The following CSMD1 variants were observed in gnomAD, a reference collection of about 807,000 sequenced individuals.
CSMD1 encodes CUB and sushi domain-containing protein 1.
In CSMD1, 213 loss-of-function variants were observed where a neutral mutation model predicts 417.5. The observed-to-expected ratio is 0.51, with a 90% confidence interval of 0.46 to 0.57. CSMD1 has a LOEUF of 0.57. Among genes scored for constraint, CSMD1 ranks in the 20% least tolerant of loss-of-function variants. The pLI is 0.00. For missense variants in CSMD1, 6,923 were observed against 4,529.7 expected, an observed-to-expected ratio of 1.53 and a Z score of -15.17; for synonymous variants, 2,862 against 1,736.8, an observed-to-expected ratio of 1.65 and a Z score of -16.11.
At chr8:3,160,505 G>A (rs920766714) in intron 38 of CSMD1, among the ~76,000 whole-genome samples, 1 of 152,132 alleles carries the variant, frequency 6.6e-6, no homozygotes, top group South Asian at 2.1e-4. Context: ...AGTGTGTTTG[G>A]TTACAAACTT....
chr8:4,492,865 T>C (rs75763056), intron 2 of CSMD1, among the ~76,000 whole-genome samples: 1,793 of 152,316 alleles, frequency 0.012, 49 homozygotes, highest in African/African-American at 0.041. Context: ...CAGAACATGC[T>C]TGAAAAATAC....
chr8:4,425,397 AT>A (rs369838539), intron 2 of CSMD1, among the ~76,000 whole-genome samples: 5,375 of 147,004 alleles, frequency 0.037, 312 homozygotes, highest in African/African-American at 0.13. Context: ...AAAAAAAAAA[AT>A]AGAGTCCAAC....
intron 26 of CSMD1, among the ~76,000 whole-genome samples, chr8:3,277,943 A>C (rs889435097): frequency 6.6e-6 from 1 of 152,242 alleles, no homozygotes; most frequent in Non-Finnish European, 1.5e-5. Flanking sequence ...AAAGCTGAGT[A>C]AAAGAAAAGT....
chr8:4,349,337 A>C (rs191182759), intron 3 of CSMD1, among the ~76,000 whole-genome samples: 122 of 152,328 alleles, frequency 8.0e-4, no homozygotes, highest in African/African-American at 2.6e-3. Flanking sequence ...AATTGAGTAT[A>C]AGATGTAGGT....
At chr8:3,561,387 G>A (rs1181721441) in intron 10 of CSMD1, among the ~76,000 whole-genome samples, 3 of 152,150 alleles carry the variant, frequency 2.0e-5, no homozygotes, top group Non-Finnish European at 4.4e-5. Context: ...CAACTTAAGT[G>A]TCCAACAATG....
At chr8:4,399,524 T>C (rs947844045) in intron 3 of CSMD1, among the ~76,000 whole-genome samples, 1 of 152,156 alleles carries the variant, frequency 6.6e-6, no homozygotes. Flanking sequence ...TTCAAGAAAC[T>C]TTCCTCTCTG....
At chr8:3,677,010 G>T (rs1199918604) in intron 7 of CSMD1, among the ~76,000 whole-genome samples, 2 of 152,060 alleles carry the variant, frequency 1.3e-5, no homozygotes, top group Non-Finnish European at 1.5e-5. Flanking sequence ...TTGCGGGGTT[G>T]GGGGCAAGGG....
chr8:4,618,889 A>T (rs556239116), intron 2 of CSMD1, among the ~76,000 whole-genome samples: 3 of 152,336 alleles, frequency 2.0e-5, no homozygotes, highest in Admixed American at 2.0e-4. Context: ...AATAGAATAG[A>T]CAGAGTGGGC....
intron 3 of CSMD1, among the ~76,000 whole-genome samples, chr8:4,095,374 A>T (rs950258367): frequency 6.7e-6 from 1 of 150,364 alleles, no homozygotes; most frequent in Non-Finnish European, 1.5e-5. Flanking sequence ...CTGATGTAGA[A>T]ACTAAAACAA....
intron 1 of CSMD1, among the ~76,000 whole-genome samples, chr8:4,904,388 C>T (rs1253301031): frequency 6.6e-6 from 1 of 152,184 alleles, no homozygotes; most frequent in Admixed American, 6.5e-5. Context: ...TTCTCTTTCA[C>T]AGTAGTCAGG....
chr8:3,889,128 T>C (rs1806772082), intron 5 of CSMD1, among the ~76,000 whole-genome samples: 1 of 152,008 alleles, frequency 6.6e-6, no homozygotes, highest in Admixed American at 6.6e-5. Context: ...TTACTCCCAA[T>C]GATTCAGATG....
chr8:3,627,733 G>C (rs886599735), intron 7 of CSMD1, among the ~76,000 whole-genome samples: 1 of 152,134 alleles, frequency 6.6e-6, no homozygotes, highest in Admixed American at 6.5e-5. Context: ...AAAATCTTTA[G>C]GAGGGAATTA....
At chr8:4,366,498 C>G (rs1341721633) in intron 3 of CSMD1, among the ~76,000 whole-genome samples, 4 of 152,184 alleles carry the variant, frequency 2.6e-5, no homozygotes, top group Admixed American at 6.5e-5. Flanking sequence ...TTCGATAAAA[C>G]TCCACAGTTT....
chr8:3,593,500 G>A (rs912578359), intron 8 of CSMD1, among the ~76,000 whole-genome samples: 1 of 152,156 alleles, frequency 6.6e-6, no homozygotes, highest in African/African-American at 2.4e-5. Context: ...TCTCACTAAG[G>A]CCAAAATGCC....
chr8:3,887,193 C>T (rs908402861), intron 5 of CSMD1, among the ~76,000 whole-genome samples: 2 of 152,068 alleles, frequency 1.3e-5, no homozygotes, highest in Non-Finnish European at 2.9e-5. Flanking sequence ...TTCAAGCGCC[C>T]AGAGGCAATC....
At chr8:3,070,269 A>C (rs756442346) in intron 49 of CSMD1, among the ~76,000 whole-genome samples, 1 of 152,240 alleles carries the variant, frequency 6.6e-6, no homozygotes, top group South Asian at 2.1e-4. Flanking sequence ...TCTAACAAGT[A>C]GCTGCTCCAC....
At chr8:4,433,623 G>T (rs969779104) in intron 2 of CSMD1, among the ~76,000 whole-genome samples, 1 of 152,138 alleles carries the variant, frequency 6.6e-6, no homozygotes, top group Non-Finnish European at 1.5e-5. Flanking sequence ...GATAAAGCCA[G>T]TTTTCTTTAT....
At chr8:4,610,391 G>A (rs931383309) in intron 2 of CSMD1, among the ~76,000 whole-genome samples, 1 of 152,190 alleles carries the variant, frequency 6.6e-6, no homozygotes, top group Non-Finnish European at 1.5e-5. Flanking sequence ...ACACCATGCA[G>A]AAAGTTTCAA....
chr8:3,971,189 A>C (rs1585054460), intron 5 of CSMD1, among the ~76,000 whole-genome samples: 1 of 152,144 alleles, frequency 6.6e-6, no homozygotes. Flanking sequence ...AGCAACACCA[A>C]ATGTCCTCTT....
Sources: allele counts gnomAD v4.1 joint callset (sites outside exome capture counted in the v4.1 genomes callset), GRCh38; gene constraint gnomAD v4.1.1; transcripts MANE v1.5; gene names NCBI Gene and HGNC (gene_info 2026-07-23, HGNC 2026-07-21).